HS3ST4: variants seen among roughly 807,000 people sequenced by gnomAD.
HS3ST4 encodes the protein heparan sulfate-glucosamine 3-sulfotransferase 4.
In HS3ST4, 17 loss-of-function variants were observed where a neutral mutation model predicts 29.2. The ratio of observed to expected loss-of-function variants is 0.58; its 90% CI spans 0.40 to 0.87. HS3ST4 has a LOEUF of 0.87. HS3ST4 is among the 40% of genes least tolerant of loss of function. The pLI, the probability that HS3ST4 is intolerant of heterozygous loss-of-function variation, is 0.00. For missense variants in HS3ST4, 627 were observed against 634.5 expected (o/e 0.99, Z 0.13); for synonymous variants, 314 against 285.7 (o/e 1.10, Z -1.00).
At position 25,788,543 on chromosome 16, in the gene HS3ST4, TC is replaced by T. The variant is rs200752364; in HGVS notation, c.734+95393del. ...CTACATTTTTTTTTCTTTTCTTCTT[TC>T]TTTTTTTTTTTTTTTTGACAGGGTC... On this transcript the variant is annotated intron_variant, in intron 1 of 1. Coordinates refer to ENST00000331351, the MANE Select transcript of HS3ST4 (RefSeq NM_006040.3). Among the ~76,000 whole-genome samples the T allele has an allele frequency of 6.4e-3, 613 of 95,530 alleles. 41 individuals carry two copies. The highest frequency in any genetic ancestry group is 0.026 in the African/African-American group (581 of 22,064). The allele number at this position is 95,530 out of a possible 152,430, so 62.7% of individuals were successfully genotyped here.
At position 25,692,994 on chromosome 16, in the gene HS3ST4, G is replaced by T; in HGVS notation, c.577G>T (p.Gly193Trp). ...CGGCGCCGTCAGCACCCCCGACTAT[G>T]GGGAGAAGAAGCTGCCACAGGCGCT... The part of the protein sequence containing the change: ...RGGAVSTPDY[G>W]EKKLPQALII... Residue 193 changes from glycine to tryptophan, a missense_variant, in exon 1 of 2, where the codon GGG (glycine) becomes TGG (tryptophan). This residue lies in a region of HS3ST4 where 402 missense variants were observed against 340.8 expected (regional missense o/e 1.18). Transcript: ENST00000331351. The T allele has an allele frequency of 6.2e-7, 1 of 1,611,548 alleles. No individual in the cohort carries two copies. The highest frequency in any genetic ancestry group is 2.2e-5 in the East Asian group (1 of 44,808).
intron 1 of HS3ST4, among the ~76,000 whole-genome samples, chr16:25,907,352 C>T (rs896552600): frequency 1.3e-5 from 2 of 152,050 alleles, no homozygotes; most frequent in African/African-American, 2.4e-5. Flanking sequence ...GTGACAGGGA[C>T]ATGGGGAGGC....
rs1177299797 is a variant in HS3ST4, at chr16:26,136,179, C to G, written c.1302C>G (p.Pro434=). 6.2e-7 allele frequency: 1 copy of G among 1,613,308 alleles called. No homozygotes were observed. Among genetic ancestry groups the G allele is most frequent in the South Asian group, 1.1e-5 (1 of 90,916 alleles). The part of the protein sequence containing the change: ...VIHRLRKFYK[P]FNLMFYQMTG... Reference sequence around the variant, plus strand: ...ACAGACTGAGGAAATTCTACAAACCCTTCAACTTGATGTTTTACCAAATGA... The same window carrying G: ...ACAGACTGAGGAAATTCTACAAACCGTTCAACTTGATGTTTTACCAAATGA... The change falls in exon 2 of 2, where the codon CCC becomes CCG. Residue 434 remains proline, a synonymous_variant. Transcript: ENST00000331351.
chr16:25,946,926 A>C (rs543967282), intron 1 of HS3ST4, among the ~76,000 whole-genome samples: 1 of 152,328 alleles, frequency 6.6e-6, no homozygotes, highest in South Asian at 2.1e-4. Flanking sequence ...TGGGAGCAGC[A>C]TGCAAGGGAA....
At chr16:26,074,604 G>T (rs1483762099) in intron 1 of HS3ST4, among the ~76,000 whole-genome samples, 1 of 152,050 alleles carries the variant, frequency 6.6e-6, no homozygotes, top group Non-Finnish European at 1.5e-5. Context: ...AGAAAGGGCT[G>T]GTTCCCTATA....
At chr16:25,724,928 A>G (rs1269253836) in intron 1 of HS3ST4, among the ~76,000 whole-genome samples, 5 of 148,058 alleles carry the variant, frequency 3.4e-5, no homozygotes, top group Admixed American at 2.7e-4. Flanking sequence ...TTTTGCTGCT[A>G]TTTTTCAAAG....
chr16:25,840,580 A>G (rs952791709), intron 1 of HS3ST4, among the ~76,000 whole-genome samples: 2 of 152,232 alleles, frequency 1.3e-5, no homozygotes, highest in African/African-American at 2.4e-5. Context: ...ATAATGTAAT[A>G]TCAGTTTCCT....
At chr16:26,073,814 G>A (rs1158590697) in intron 1 of HS3ST4, among the ~76,000 whole-genome samples, 1 of 152,210 alleles carries the variant, frequency 6.6e-6, no homozygotes, top group Non-Finnish European at 1.5e-5. Flanking sequence ...GTTTCTGACA[G>A]TTGCTACCTG....
At chr16:26,065,088 A>G (rs1898526772) in intron 1 of HS3ST4, among the ~76,000 whole-genome samples, 1 of 152,236 alleles carries the variant, frequency 6.6e-6, no homozygotes, top group Non-Finnish European at 1.5e-5. Flanking sequence ...ACCTAAAGAC[A>G]GAAAAACCAT....
At chr16:25,989,615 T>A (rs1969097262) in intron 1 of HS3ST4, among the ~76,000 whole-genome samples, 1 of 152,204 alleles carries the variant, frequency 6.6e-6, no homozygotes, top group African/African-American at 2.4e-5. Context: ...AAGTTTCGTA[T>A]GTTTGCAAAT....
intron 1 of HS3ST4, among the ~76,000 whole-genome samples, chr16:26,133,857 T>C (rs1474843188): frequency 6.6e-6 from 1 of 152,210 alleles, no homozygotes; most frequent in Non-Finnish European, 1.5e-5. Context: ...AGAGGTCTTG[T>C]GTAATCCTAA....
chr16:26,003,877 G>A (rs1032390975), intron 1 of HS3ST4, among the ~76,000 whole-genome samples: 1 of 152,118 alleles, frequency 6.6e-6, no homozygotes, highest in Non-Finnish European at 1.5e-5. Context: ...ACCCCTGTGT[G>A]CTGGTGCCTG....
chr16:25,961,385 A>G (rs1252870715), intron 1 of HS3ST4, among the ~76,000 whole-genome samples: 1 of 152,236 alleles, frequency 6.6e-6, no homozygotes, highest in Non-Finnish European at 1.5e-5. Context: ...TTTGCAACTC[A>G]TGCCTTTTAT....
chr16:25,878,301 T>A (rs1370577977), intron 1 of HS3ST4, among the ~76,000 whole-genome samples: 2 of 152,148 alleles, frequency 1.3e-5, no homozygotes, highest in Non-Finnish European at 2.9e-5. Flanking sequence ...ATCTTCCAGG[T>A]CTTCCAGTGA....
Position 25,806,521 on chromosome 16 carries a change from A to G in HS3ST4, c.734+113370A>G, listed in dbSNP as rs12600247. On this transcript the variant is annotated intron_variant, in intron 1 of 1. Coordinates refer to ENST00000331351, the MANE Select transcript of HS3ST4 (RefSeq NM_006040.3). ...GTGCACTTGTACTGTGATAGTGAACACAATCCATTTTATATTTATTTAAAG... is the reference window on the plus strand; with the variant it reads ...GTGCACTTGTACTGTGATAGTGAACGCAATCCATTTTATATTTATTTAAAG... Among the ~76,000 whole-genome samples, 272 of 152,330 alleles carry G rather than the reference A, an allele frequency of 1.8e-3. 5 individuals carry two copies. The East Asian group carries it at 0.041, about 23-fold the overall frequency.
chr16:26,022,881 T>G (rs1596647526), intron 1 of HS3ST4, among the ~76,000 whole-genome samples: 1 of 152,138 alleles, frequency 6.6e-6, no homozygotes, highest in Non-Finnish European at 1.5e-5. Context: ...GGTTTCATCA[T>G]GTTGGCCAGG....
intron 1 of HS3ST4, among the ~76,000 whole-genome samples, chr16:25,954,634 C>T (rs1400310993): frequency 6.6e-6 from 1 of 152,092 alleles, no homozygotes; most frequent in Non-Finnish European, 1.5e-5. Context: ...TTGAAAGAAT[C>T]CAGTAAAATT....
At chr16:25,914,123 T>C (rs1968268315) in intron 1 of HS3ST4, among the ~76,000 whole-genome samples, 1 of 147,420 alleles carries the variant, frequency 6.8e-6, no homozygotes, top group South Asian at 2.2e-4. Flanking sequence ...GGAGAGGGTA[T>C]ATGTGTGTGG....
intron 1 of HS3ST4, among the ~76,000 whole-genome samples, chr16:25,774,943 A>T (rs1032148205): frequency 3.3e-5 from 5 of 152,152 alleles, no homozygotes; most frequent in African/African-American, 7.2e-5. Context: ...ATAGCATGGC[A>T]TCTGGTGGCT....
Sources: allele counts gnomAD v4.1 joint callset (sites outside exome capture counted in the v4.1 genomes callset), GRCh38; gene constraint gnomAD v4.1.1; regional missense constraint gnomAD v4.1.1; transcripts MANE v1.5; gene names NCBI Gene and HGNC (gene_info 2026-07-23, HGNC 2026-07-21).